ATXN7: variants seen among roughly 807,000 people sequenced by gnomAD.
The protein encoded by ATXN7 is ataxin-7.
Under a neutral mutation model 70.5 loss-of-function variants are expected in ATXN7, and 12 were observed. The ratio of observed to expected loss-of-function variants is 0.17; its 90% CI spans 0.11 to 0.28. The LOEUF is 0.28. Among genes scored for constraint, ATXN7 ranks in the 10% least tolerant of loss-of-function variants. The pLI is 1.00. For missense variants in ATXN7, 1,256 were observed against 1,131.7 expected (o/e 1.11, Z -1.58); for synonymous variants, 498 against 448.7 (o/e 1.11, Z -1.39).
At chr3:63,948,153 GC>G (rs760653551) in intron 4 of ATXN7, among the ~76,000 whole-genome samples, 2 of 152,124 alleles carry the variant, frequency 1.3e-5, no homozygotes, top group Non-Finnish European at 2.9e-5. Flanking sequence ...CTGGTGGCAG[GC>G]CCAATAGTGG....
At chr3:63,953,696 G>A (rs902631266) in intron 5 of ATXN7, among the ~76,000 whole-genome samples, 6 of 147,910 alleles carry the variant, frequency 4.1e-5, no homozygotes, top group African/African-American at 1.3e-4. Flanking sequence ...TGTCATCCAC[G>A]TTGGAGTGCA....
chr3:63,903,987 T>G (rs546831351), intron 2 of ATXN7: 1 of 152,266 alleles, frequency 6.6e-6, no homozygotes, highest in Non-Finnish European at 1.5e-5. Flanking sequence ...TTAATGGTTT[T>G]TAGTGTATTC....
At chr3:63,954,033 T>C (rs1213097142) in intron 5 of ATXN7, among the ~76,000 whole-genome samples, 1 of 152,202 alleles carries the variant, frequency 6.6e-6, no homozygotes, top group Non-Finnish European at 1.5e-5. Context: ...ATAAGCAACA[T>C]TCCACCATTT....
intron 4 of ATXN7, among the ~76,000 whole-genome samples, chr3:63,916,119 C>CT (rs1258036048): frequency 6.6e-6 from 1 of 152,194 alleles, no homozygotes; most frequent in African/African-American, 2.4e-5. Flanking sequence ...GTTATTTCAT[C>CT]TTTCTGAATA....
At chr3:63,908,978 G>A (rs115131785) in intron 2 of ATXN7, among the ~76,000 whole-genome samples, 192 of 152,250 alleles carry the variant, frequency 1.3e-3, no homozygotes, top group African/African-American at 4.5e-3. Context: ...AGTTGGTGGT[G>A]ACAGTTTTGA....
At chr3:63,937,703 G>A (rs1183133942) in intron 4 of ATXN7, among the ~76,000 whole-genome samples, 1 of 152,174 alleles carries the variant, frequency 6.6e-6, no homozygotes, top group Non-Finnish European at 1.5e-5. Context: ...AGGAAGGAAT[G>A]AAGCTTTGTA....
chr3:63,894,174 A>C (rs1038433305), intron 1 of ATXN7, among the ~76,000 whole-genome samples: 1 of 152,220 alleles, frequency 6.6e-6, no homozygotes, highest in Non-Finnish European at 1.5e-5. Context: ...TGGAAATTAC[A>C]TGCCAAATGA....
At position 63,990,398 on chromosome 3, in the gene ATXN7, G is replaced by A. The variant is rs200316716; in HGVS notation, c.1560+24G>A. 1,364 of 1,613,406 alleles carry A rather than the reference G, an allele frequency of 8.5e-4. 4 individuals are homozygous for A. Among genetic ancestry groups the A allele is most frequent in the Middle Eastern group, 2.2e-3 (13 of 5,988 alleles). On this transcript the variant is annotated intron_variant, in intron 10 of 12. Coordinates refer to ENST00000674280, the MANE Select transcript of ATXN7 (RefSeq NM_001377405.1). ...CTGTAAGTTCCACGTCCACCCCCGC[G>A]TTGACCCTCCCCACACAGCATGGAC...
At position 63,990,159 on chromosome 3, in the gene ATXN7, A is replaced by C; in HGVS notation, c.1362-17A>C. The C allele has an allele frequency of 6.2e-7, 1 of 1,611,952 alleles. No homozygotes were observed. ...AGGTGTGTGATCTGATCCGTGCTGC[A>C]CTTTCTACTCACCAAGGCCTCCAGG... On this transcript the variant is annotated splice_polypyrimidine_tract_variant and intron_variant, in intron 9 of 12. Coordinates refer to ENST00000674280, the MANE Select transcript of ATXN7 (RefSeq NM_001377405.1).
chr3:63,999,740 C>T lies in ATXN7; in HGVS notation c.*273C>T, dbSNP rs537239991. On this transcript the variant is annotated 3_prime_UTR_variant, in exon 13 of 13. Coordinates refer to ENST00000674280, the MANE Select transcript of ATXN7 (RefSeq NM_001377405.1). Reference sequence around the variant, plus strand: ...GTGGTCTGAACTGCTTGCTACCAATCTGTGAGAAGTTTTTGTTTTTGTTTT... The same window carrying T: ...GTGGTCTGAACTGCTTGCTACCAATTTGTGAGAAGTTTTTGTTTTTGTTTT... 7 of 579,612 alleles carry T rather than the reference C, an allele frequency of 1.2e-5. No individual in the cohort carries two copies. Among genetic ancestry groups the T allele is most frequent in the Non-Finnish European group, 2.1e-5 (7 of 326,352 alleles). The allele number at this position is 579,612 out of a possible 1,614,324, so 35.9% of individuals were successfully genotyped here.
At chr3:63,956,589 G>T (rs2075042690) in intron 5 of ATXN7, among the ~76,000 whole-genome samples, 2 of 152,106 alleles carry the variant, frequency 1.3e-5, no homozygotes, top group African/African-American at 2.4e-5. Context: ...CTCTGAGTGG[G>T]AATTTCCAGA....
chr3:63,972,293 C>G (rs1292401408), intron 5 of ATXN7, among the ~76,000 whole-genome samples: 1 of 152,124 alleles, frequency 6.6e-6, no homozygotes, highest in Non-Finnish European at 1.5e-5. Context: ...CATTTTATAG[C>G]CATGTATAAC....
chr3:63,874,334 T>C (rs1702685107), intron 1 of ATXN7, among the ~76,000 whole-genome samples: 1 of 152,232 alleles, frequency 6.6e-6, no homozygotes, highest in African/African-American at 2.4e-5. Context: ...GTGCTTTCAC[T>C]GTAACTTTGC....
In ATXN7 at chr3:63,955,891, A is replaced by G. The variant is rs147316660; in HGVS notation, c.499+3408A>G. ...ACCACTGCTACCAGGACAAGAAAAC[A>G]TGCTACCGTGGCAGCAAGTCTTGTA... On this transcript the variant is annotated intron_variant, in intron 5 of 12. Coordinates refer to ENST00000674280, the MANE Select transcript of ATXN7 (RefSeq NM_001377405.1). Among the ~76,000 whole-genome samples the G allele has an allele frequency of 5.0e-3, 767 of 152,366 alleles. 2 individuals are homozygous for G. Among genetic ancestry groups the G allele is most frequent in the Non-Finnish European group, 8.2e-3 (556 of 68,036 alleles).
At chr3:63,948,656 A>G (rs959713747) in intron 4 of ATXN7, among the ~76,000 whole-genome samples, 2 of 152,160 alleles carry the variant, frequency 1.3e-5, no homozygotes, top group Non-Finnish European at 2.9e-5. Flanking sequence ...AGTTTGGGGT[A>G]TGGTTTCTAG....
chr3:63,924,111 G>A (rs893274274), intron 4 of ATXN7, among the ~76,000 whole-genome samples: 11 of 152,164 alleles, frequency 7.2e-5, no homozygotes, highest in East Asian at 5.8e-4. Flanking sequence ...TTCAGGATAC[G>A]TTTGGAGGTG....
chr3:63,878,444 G>A (rs375231551), intron 1 of ATXN7: 9 of 152,308 alleles, frequency 5.9e-5, no homozygotes, highest in South Asian at 4.1e-4. Context: ...AAAAGGTGTC[G>A]TTTCTGCTCC....
At chr3:63,892,079 C>G (rs181290019) in intron 1 of ATXN7, among the ~76,000 whole-genome samples, 240 of 152,210 alleles carry the variant, frequency 1.6e-3, no homozygotes, top group Non-Finnish European at 3.0e-3. Context: ...CAGAGTTTAG[C>G]AGAGGGTCTG....
intron 1 of ATXN7, among the ~76,000 whole-genome samples, chr3:63,868,942 G>C (rs1319342927): frequency 6.6e-6 from 1 of 152,138 alleles, no homozygotes; most frequent in Admixed American, 6.5e-5. Context: ...GGGTACCTGT[G>C]TTGATTTTTG....
Sources: gnomAD v4.1 joint callset for allele counts (sites outside exome capture counted in the v4.1 genomes callset) on GRCh38, gnomAD v4.1.1 for gene constraint, MANE v1.5 for transcripts, NCBI Gene and HGNC (gene_info 2026-07-23, HGNC 2026-07-21) for gene names.